The following PLEKHA7 variants were observed in gnomAD, a reference collection of about 807,000 sequenced individuals.
The protein encoded by PLEKHA7 is pleckstrin homology domain-containing family A member 7.
In PLEKHA7, 104 loss-of-function variants were observed where a neutral mutation model predicts 170.0. The observed-to-expected ratio is 0.61, with a 90% CI of 0.52 to 0.72. The LOEUF (loss-of-function observed/expected upper bound fraction) is 0.72, where lower values mean the gene tolerates loss of function less well. PLEKHA7 is among the 30% of genes least tolerant of loss of function. PLEKHA7 has a pLI of 0.00. For synonymous variants in PLEKHA7, 648 were observed against 660.8 expected (o/e 0.98, Z 0.30); for missense variants, 1,615 against 1,671.7 (o/e 0.97, Z 0.59).
Position 16,791,252 on chromosome 11 carries a change from G to A in PLEKHA7, c.2746-53C>T. The A allele has an allele frequency of 1.3e-6, 2 of 1,499,048 alleles. No homozygotes were observed. The highest frequency in any genetic ancestry group is 1.8e-6 in the Non-Finnish European group (2 of 1,110,384). 92.9% of individuals were successfully genotyped at this position (1,499,048 alleles called of 1,614,324 possible). ...GTCAGCGAGACGGAGCTGGAGGGAG[G>A]ACTGCTAGGTACTGCCACAGTGGAG... On this transcript the variant is annotated intron_variant, in intron 19 of 26. Coordinates refer to ENST00000531066, the MANE Select transcript of PLEKHA7 (RefSeq NM_001329630.2). The surrounding 1 kb of genome is among the most constrained non-coding windows in gnomAD (Gnocchi z 4.5).
Position 16,883,608 on chromosome 11 carries a change from T to C in PLEKHA7, c.222-12426A>G, listed in dbSNP as rs575296412. On this transcript the variant is annotated intron_variant, in intron 3 of 26. Coordinates refer to ENST00000531066, the MANE Select transcript of PLEKHA7 (RefSeq NM_001329630.2). ...TTCTTTTCTACCTCTGGGCTTTGGC[T>C]CCTTCTGTCCTTTTCCCTAAGGATT... Among the ~76,000 whole-genome samples the C allele has an allele frequency of 1.8e-4, 28 of 152,302 alleles. 1 individual carries two copies. In the South Asian group the frequency reaches 5.6e-3, roughly 30 times the overall value.
intron 3 of PLEKHA7, among the ~76,000 whole-genome samples, chr11:17,000,380 C>A (rs1369502050): frequency 6.6e-6 from 1 of 152,206 alleles, no homozygotes; most frequent in Non-Finnish European, 1.5e-5. Flanking sequence ...AGGCATGAGC[C>A]ATGACACTCC....
At chr11:16,893,084 A>T (rs61882036) in intron 3 of PLEKHA7, among the ~76,000 whole-genome samples, 16,836 of 152,078 alleles carry the variant, frequency 0.11, 1,149 homozygotes, top group East Asian at 0.17. Flanking sequence ...CCCCTAACAA[A>T]CCACTTGTGA....
At chr11:16,903,878 C>T (rs1444152094) in intron 3 of PLEKHA7, among the ~76,000 whole-genome samples, 2 of 152,210 alleles carry the variant, frequency 1.3e-5, no homozygotes, top group Admixed American at 6.5e-5. Flanking sequence ...AGCAAACAGG[C>T]CTTTCAGTTT....
intron 8 of PLEKHA7, among the ~76,000 whole-genome samples, chr11:16,845,039 G>C (rs2135322400): frequency 6.6e-6 from 1 of 152,360 alleles, no homozygotes; most frequent in East Asian, 1.9e-4. Flanking sequence ...AGAAGGTCAG[G>C]ATGCTGTGAG....
chr11:16,779,091 G>A, intron 26 of PLEKHA7, 71 bp from the exon 27 acceptor site: 1 of 700,820 alleles, frequency 1.4e-6, no homozygotes, highest in Admixed American at 2.0e-5. Context: ...ACACATGATG[G>A]AATGGCAGAT....
intron 3 of PLEKHA7, among the ~76,000 whole-genome samples, chr11:16,904,800 G>A (rs1048582136): frequency 1.3e-5 from 2 of 152,082 alleles, no homozygotes; most frequent in Non-Finnish European, 2.9e-5. Flanking sequence ...ACTTCAAAAT[G>A]GGGAAGAATA....
At position 16,989,819 on chromosome 11, in the gene PLEKHA7, C is replaced by T. The variant is rs1430153229; in HGVS notation, c.221+24170G>A. 3.9e-5 allele frequency among the ~76,000 whole-genome samples: 6 copies of T among 152,156 alleles called. No individual in the cohort carries two copies. In the South Asian group the frequency reaches 6.2e-4, roughly 16 times the overall value. On this transcript the variant is annotated intron_variant, in intron 3 of 26. Coordinates refer to ENST00000531066, the MANE Select transcript of PLEKHA7 (RefSeq NM_001329630.2). ...CCCCCGCCCCCAATGCCCACATAAG[C>T]TTTGTGGCTGTGTACTACACACAGC...
At chr11:16,846,122 T>C (rs555654141) in intron 8 of PLEKHA7, among the ~76,000 whole-genome samples, 2 of 152,046 alleles carry the variant, frequency 1.3e-5, no homozygotes, top group East Asian at 3.9e-4. Context: ...CAGTCTCTAC[T>C]AAAAACACAA....
At chr11:16,831,026 T>G (rs903574994) in intron 9 of PLEKHA7, among the ~76,000 whole-genome samples, 2 of 152,212 alleles carry the variant, frequency 1.3e-5, no homozygotes, top group Non-Finnish European at 2.9e-5. Flanking sequence ...TACCAGCATT[T>G]ATTGCAAAAC....
chr11:16,798,763 G>A (rs1460432839), intron 17 of PLEKHA7, among the ~76,000 whole-genome samples: 3 of 152,142 alleles, frequency 2.0e-5, no homozygotes, highest in Non-Finnish European at 4.4e-5. Flanking sequence ...CTTTTAAGAT[G>A]TATACTCATT....
chr11:16,988,024 G>A (rs1245272854), intron 3 of PLEKHA7, among the ~76,000 whole-genome samples: 3 of 152,212 alleles, frequency 2.0e-5, no homozygotes, highest in African/African-American at 7.2e-5. Flanking sequence ...GACTGCACCT[G>A]TTAATAACCA....
At chr11:16,780,958 A>C (rs1848978020) in intron 26 of PLEKHA7, 36 of 985,082 alleles carry the variant, frequency 3.7e-5, no homozygotes, top group Non-Finnish European at 4.2e-5. Flanking sequence ...GGTGTTAGAC[A>C]AAGGTGTAGT....
At chr11:16,870,283 C>T (rs1176902134) in intron 4 of PLEKHA7, among the ~76,000 whole-genome samples, 2 of 152,020 alleles carry the variant, frequency 1.3e-5, no homozygotes, top group Non-Finnish European at 2.9e-5. Flanking sequence ...TCTGAGGGTA[C>T]ACCCCCTACC....
intron 3 of PLEKHA7, among the ~76,000 whole-genome samples, chr11:16,958,824 T>C (rs926024194): frequency 1.3e-5 from 2 of 150,802 alleles, no homozygotes; most frequent in Admixed American, 1.3e-4. Flanking sequence ...GCACAGCCGA[T>C]GTAACCAGAG....
intron 23 of PLEKHA7, chr11:16,786,808 C>A (rs1363268614): frequency 6.1e-6 from 6 of 985,228 alleles, no homozygotes; most frequent in African/African-American, 1.7e-5. Context: ...CCCTTCAAGG[C>A]CCTGCTAAGC....
intron 3 of PLEKHA7, among the ~76,000 whole-genome samples, chr11:16,871,430 C>A (rs1854838507): frequency 6.6e-6 from 1 of 152,100 alleles, no homozygotes; most frequent in African/African-American, 2.4e-5. Context: ...AGTCTTGGCT[C>A]CAAGAGAATA....
At chr11:16,861,119 T>C (rs1487939350) in intron 4 of PLEKHA7, among the ~76,000 whole-genome samples, 3 of 152,152 alleles carry the variant, frequency 2.0e-5, no homozygotes, top group Non-Finnish European at 4.4e-5. Context: ...ACAACAGTCA[T>C]CTCCTACAAA....
chr11:16,866,995 T>C (rs1036812122), intron 4 of PLEKHA7, among the ~76,000 whole-genome samples: 1 of 152,124 alleles, frequency 6.6e-6, no homozygotes, highest in African/African-American at 2.4e-5. Context: ...TTTTCTTTTC[T>C]TTTATTCCCA....
Sources: gnomAD v4.1 joint callset for allele counts (sites outside exome capture counted in the v4.1 genomes callset) on GRCh38, gnomAD v4.1.1 for gene constraint, Gnocchi (gnomAD v3.1) non-coding constraint, MANE v1.5 for transcripts, NCBI Gene and HGNC (gene_info 2026-07-23, HGNC 2026-07-21) for gene names.